RPS6KA5: variants seen among roughly 807,000 people sequenced by gnomAD.
The protein encoded by RPS6KA5 is ribosomal protein S6 kinase alpha-5.
RPS6KA5 carries 27 observed loss-of-function variants against 85.5 expected under a neutral mutation model. The observed-to-expected ratio is 0.32, with a 90% CI of 0.23 to 0.44. The LOEUF is 0.44. Among genes scored for constraint, RPS6KA5 ranks in the 20% least tolerant of loss-of-function variants. The pLI is 1.00. For missense variants in RPS6KA5, 811 were observed against 980.9 expected (o/e 0.83, Z 2.31); for synonymous variants, 334 against 348.2 (o/e 0.96, Z 0.46).
chr14:91,053,428 T>C (rs2139958937), intron 1 of RPS6KA5, among the ~76,000 whole-genome samples: 1 of 152,324 alleles, frequency 6.6e-6, no homozygotes, highest in South Asian at 2.1e-4. Context: ...TCTCTATCCA[T>C]GGCTAACACA....
intron 1 of RPS6KA5, among the ~76,000 whole-genome samples, chr14:91,046,701 T>C (rs974307047): frequency 2.2e-4 from 33 of 152,298 alleles, no homozygotes; most frequent in African/African-American, 7.7e-4. Flanking sequence ...AAGACAGACC[T>C]GTGTATGATT....
At chr14:90,890,331 G>A (rs2034479669) in intron 14 of RPS6KA5, among the ~76,000 whole-genome samples, 156 bp downstream of exon 14, 1 of 152,048 alleles carries the variant, frequency 6.6e-6, no homozygotes, top group Non-Finnish European at 1.5e-5. Context: ...TTTAAGACAG[G>A]GAAATACTAT....
At chr14:90,908,821 C>T (rs2035649442) in intron 7 of RPS6KA5, among the ~76,000 whole-genome samples, 1 of 152,188 alleles carries the variant, frequency 6.6e-6, no homozygotes, top group African/African-American at 2.4e-5. Context: ...TGTGAGCAGG[C>T]ATGCAGGCCC....
chr14:91,030,611 GAAAAAA>G (rs58737573), intron 1 of RPS6KA5, among the ~76,000 whole-genome samples: 7 of 22,024 alleles, frequency 3.2e-4, no homozygotes, highest in South Asian at 2.5e-3. Context: ...AAAATAAACA[GAAAAAA>G]AAAAAAAAAA....
rs55936408 is a variant in RPS6KA5 at position 90,902,832 on chromosome 14, G to C, written c.1095C>G (p.Pro365=). ...CCTGAAACAGCTTCTCAGAACTCTG[G>C]GGCAGGGCTGCGGGAGAATAAGTGG... The part of the protein sequence containing the change: ...MDPTYSPAAL[P]QSSEKLFQGY... The change falls in exon 9 of 17, where the codon CCC becomes CCG. Residue 365 remains proline (P), a synonymous_variant. Coordinates refer to ENST00000614987, the MANE Select transcript of RPS6KA5 (RefSeq NM_004755.4). 1,079 of 1,613,904 alleles carry C rather than the reference G, an allele frequency of 6.7e-4. 9 individuals are homozygous for C. In the African/African-American group the frequency reaches 0.013, roughly 19 times the overall value.
intron 14 of RPS6KA5, among the ~76,000 whole-genome samples, chr14:90,878,299 A>T (rs1285608982): frequency 6.6e-6 from 1 of 152,172 alleles, no homozygotes; most frequent in Non-Finnish European, 1.5e-5. Context: ...TGTGGTCTTG[A>T]TTAAACAGAG....
intron 5 of RPS6KA5, among the ~76,000 whole-genome samples, chr14:90,927,048 A>G (rs1237567607): frequency 6.6e-6 from 1 of 152,144 alleles, no homozygotes; most frequent in Non-Finnish European, 1.5e-5. Context: ...AAATAACTGA[A>G]GTTGAAGCAT....
intron 1 of RPS6KA5, among the ~76,000 whole-genome samples, chr14:91,027,047 C>T (rs183441102): frequency 3.9e-5 from 6 of 152,174 alleles, no homozygotes; most frequent in East Asian, 3.9e-4. Context: ...TACATAGTTG[C>T]GAATATTTTC....
At chr14:91,041,383 T>A (rs927662522) in intron 1 of RPS6KA5, among the ~76,000 whole-genome samples, 13 of 152,238 alleles carry the variant, frequency 8.5e-5, no homozygotes, top group Admixed American at 6.5e-4. Flanking sequence ...GTGACAATTG[T>A]ATGCAGAGAG....
intron 5 of RPS6KA5, among the ~76,000 whole-genome samples, chr14:90,939,753 CT>C (rs145281234): frequency 0.033 from 4,980 of 152,224 alleles, 227 homozygotes; most frequent in South Asian, 0.12. Flanking sequence ...CCACCAGGTC[CT>C]TCCCACAACA....
chr14:91,056,247 ACTC>A (rs1387652154), intron 1 of RPS6KA5, among the ~76,000 whole-genome samples: 1 of 152,018 alleles, frequency 6.6e-6, no homozygotes, highest in East Asian at 1.9e-4. Flanking sequence ...CTTCCCAGCA[ACTC>A]CTCCTCTTCT....
intron 2 of RPS6KA5, among the ~76,000 whole-genome samples, chr14:90,995,270 C>A (rs1295296611): frequency 2.6e-5 from 4 of 152,162 alleles, no homozygotes; most frequent in Non-Finnish European, 5.9e-5. Context: ...CAAGCACGAG[C>A]CACCGTGCCT....
At chr14:91,049,352 C>A (rs536912521) in intron 1 of RPS6KA5, among the ~76,000 whole-genome samples, 1 of 152,278 alleles carries the variant, frequency 6.6e-6, no homozygotes, top group Non-Finnish European at 1.5e-5. Context: ...CGGTGGCTCA[C>A]GCCTGTAATC....
intron 7 of RPS6KA5, among the ~76,000 whole-genome samples, chr14:90,919,536 G>T (rs1024765706): frequency 5.9e-5 from 9 of 152,140 alleles, no homozygotes; most frequent in South Asian, 2.1e-4. Flanking sequence ...TATAATGTTG[G>T]TCACTATTCA....
chr14:90,954,334 C>A (rs2140395921), intron 3 of RPS6KA5, among the ~76,000 whole-genome samples: 1 of 152,312 alleles, frequency 6.6e-6, no homozygotes, highest in East Asian at 1.9e-4. Context: ...GGTAATTCTT[C>A]TTTAAATGTT....
At chr14:90,874,778 G>A (rs2033341209) in intron 15 of RPS6KA5, among the ~76,000 whole-genome samples, 1 of 152,150 alleles carries the variant, frequency 6.6e-6, no homozygotes, top group South Asian at 2.1e-4. Flanking sequence ...TGCTAGGAGC[G>A]CTGCTGAATG....
At chr14:90,920,175 A>C (rs778950509) in intron 7 of RPS6KA5, 31 bp downstream of exon 7, 1 of 1,291,096 alleles carries the variant, frequency 7.7e-7, no homozygotes, top group Non-Finnish European at 1.1e-6. Flanking sequence ...TTGAGAAAAC[A>C]ATGCATTTAT....
At position 90,857,656 on chromosome 14, in the gene RPS6KA5, G is replaced by GT. The variant is rs1304305987; in HGVS notation, c.*14417dup. 5 of 152,094 alleles carry GT rather than the reference G, an allele frequency of 3.3e-5. No individual in the cohort carries two copies. The highest frequency in any genetic ancestry group is 7.4e-5 in the Non-Finnish European group (5 of 68,026). The allele number at this position is 152,094 out of a possible 1,614,324, so 9.4% of individuals were successfully genotyped here. The stretch of plus-strand genomic sequence containing the variant: ...TGTGAACTGCATTAAGCTCTACAGA[G>GT]TTTTTTCAAAAGGCTAAAAATATTT... On this transcript the variant is annotated 3_prime_UTR_variant, in exon 17 of 17. Coordinates refer to ENST00000614987, the MANE Select transcript of RPS6KA5 (RefSeq NM_004755.4).
Position 90,936,346 on chromosome 14 carries a change from T to A in RPS6KA5, c.618+6732A>T, listed in dbSNP as rs186190204. ...CTTTGGGAGAGCAAGGCAGGTGGAT[T>A]TTTTGAGATCAGTCCAAGACCAACC... On this transcript the variant is annotated intron_variant, in intron 5 of 16. Transcript: ENST00000614987. Among the ~76,000 whole-genome samples the A allele has an allele frequency of 9.5e-4, 144 of 152,188 alleles. 1 individual carries two copies. In the South Asian group the frequency reaches 0.012, roughly 12 times the overall value.
Sources: gnomAD v4.1 joint callset for allele counts (sites outside exome capture counted in the v4.1 genomes callset) on GRCh38, gnomAD v4.1.1 for gene constraint, MANE v1.5 for transcripts, NCBI Gene and HGNC (gene_info 2026-07-23, HGNC 2026-07-21) for gene names.